Variants in CSMD3 observed in about 807,000 individuals in gnomAD.
CSMD3 encodes the protein CUB and Sushi multiple domains 3.
In CSMD3, 177 loss-of-function variants were observed where a neutral mutation model predicts 435.2. That is an observed-to-expected ratio of 0.41 (90% CI 0.36 to 0.46). The LOEUF (loss-of-function observed/expected upper bound fraction) is 0.46, where lower values mean the gene tolerates loss of function less well. Ranked by LOEUF, CSMD3 falls within the 20% of genes least tolerant of loss-of-function variation. CSMD3 has a pLI of 0.34. For missense variants in CSMD3, 4,265 were observed against 4,504.6 expected, an observed-to-expected ratio of 0.95 and a Z score of 1.52; for synonymous variants, 1,656 against 1,520.5, an observed-to-expected ratio of 1.09 and a Z score of -2.07.
intron 12 of CSMD3, among the ~76,000 whole-genome samples, chr8:112,804,643 C>T (rs1469073359): frequency 7.2e-6 from 1 of 138,262 alleles, no homozygotes; most frequent in East Asian, 2.2e-4. Flanking sequence ...CTCATGCTAA[C>T]TCATTGCATT....
intron 13 of CSMD3, among the ~76,000 whole-genome samples, chr8:112,733,098 A>T (rs1403524488): frequency 6.6e-6 from 1 of 152,180 alleles, no homozygotes; most frequent in African/African-American, 2.4e-5. Flanking sequence ...CTCAATAAGA[A>T]TGATTCCACC....
intron 12 of CSMD3, among the ~76,000 whole-genome samples, chr8:112,828,607 A>G (rs756137602): frequency 6.6e-6 from 1 of 152,064 alleles, no homozygotes; most frequent in Non-Finnish European, 1.5e-5. Flanking sequence ...AGTAAATTAA[A>G]CCTCTTTTCT....
chr8:112,783,375 C>T (rs1337591266), intron 13 of CSMD3, among the ~76,000 whole-genome samples: 2 of 141,842 alleles, frequency 1.4e-5, no homozygotes, highest in East Asian at 4.4e-4. Flanking sequence ...CAGAGAAAAT[C>T]ACCAGCACAT....
intron 13 of CSMD3, among the ~76,000 whole-genome samples, chr8:112,768,869 A>G (rs2078043809): frequency 1.3e-5 from 2 of 151,802 alleles, no homozygotes; most frequent in Admixed American, 1.3e-4. Context: ...ATTCTGTTAA[A>G]TCAGTAGTCA....
chr8:113,357,550 G>A (rs971279605), intron 1 of CSMD3, among the ~76,000 whole-genome samples: 4 of 152,264 alleles, frequency 2.6e-5, no homozygotes, highest in Admixed American at 1.3e-4. Context: ...TAAACACAAC[G>A]TTGTTGTATT....
intron 1 of CSMD3, among the ~76,000 whole-genome samples, chr8:113,404,626 T>G (rs556060705): frequency 6.6e-6 from 1 of 151,516 alleles, no homozygotes; most frequent in South Asian, 2.1e-4. Flanking sequence ...GTTCATTCAC[T>G]CATCTATTCA....
rs200750537 is a variant in CSMD3, at chr8:112,337,566, T to C, written c.6818A>G (p.Asn2273Ser). Residue 2273 changes from asparagine to serine, a missense_variant, in exon 43 of 71, where the codon AAT (asparagine) becomes AGT (serine). This residue lies in a region of CSMD3 where 3,255 missense variants were observed against 3,380.2 expected (regional missense o/e 0.96). Transcript: ENST00000297405. ...TCLHGVSRNW[N>S]HPLPRCEALC... The stretch of plus-strand genomic sequence containing the variant: ...ACCTTCACACCTTGGAAGTGGATGA[T>C]TCCAATTACGACTGACTCCGTGAAG... 2 of 1,613,720 alleles carry C rather than the reference T, an allele frequency of 1.2e-6. No homozygotes were observed. Among genetic ancestry groups the C allele is most frequent in the Middle Eastern group, 1.7e-4 (1 of 6,060 alleles).
chr8:112,283,983 T>G (rs1408479356), intron 58 of CSMD3, among the ~76,000 whole-genome samples: 1 of 151,704 alleles, frequency 6.6e-6, no homozygotes, highest in Non-Finnish European at 1.5e-5. Context: ...CATTTATGCA[T>G]GTAACAAAAT....
chr8:112,978,725 C>G (rs1462038298), intron 6 of CSMD3, among the ~76,000 whole-genome samples: 1 of 151,862 alleles, frequency 6.6e-6, no homozygotes, highest in Non-Finnish European at 1.5e-5. Flanking sequence ...CTAACCAGTT[C>G]TTATGTTTTA....
intron 3 of CSMD3, among the ~76,000 whole-genome samples, chr8:113,184,897 T>G (rs905999077): frequency 2.0e-5 from 3 of 152,086 alleles, no homozygotes; most frequent in Non-Finnish European, 4.4e-5. Flanking sequence ...ACCCATTCAT[T>G]TATTCCATAA....
intron 13 of CSMD3, among the ~76,000 whole-genome samples, chr8:112,696,677 T>C (rs926576751): frequency 7.2e-5 from 11 of 152,150 alleles, no homozygotes; most frequent in Admixed American, 1.3e-4. Flanking sequence ...AAGGACTTCA[T>C]GTCCAAAACA....
At chr8:112,583,868 T>A (rs1830514828) in intron 23 of CSMD3, among the ~76,000 whole-genome samples, 1 of 151,936 alleles carries the variant, frequency 6.6e-6, no homozygotes, top group Non-Finnish European at 1.5e-5. Context: ...TGAAATTTCC[T>A]TTCCACTTTA....
intron 13 of CSMD3, among the ~76,000 whole-genome samples, chr8:112,733,440 T>C (rs1313931992): frequency 3.9e-5 from 6 of 151,940 alleles, no homozygotes; most frequent in African/African-American, 1.4e-4. Flanking sequence ...ATCTATGTAA[T>C]GTCAATAAAA....
At chr8:112,368,511 C>G (rs1828007670) in intron 38 of CSMD3, among the ~76,000 whole-genome samples, 1 of 152,150 alleles carries the variant, frequency 6.6e-6, no homozygotes, top group African/African-American at 2.4e-5. Flanking sequence ...AATTGCTCTA[C>G]TTGTTTACAT....
chr8:112,976,300 C>A, intron 6 of CSMD3, 152 bp from the exon 7 acceptor site: 1 of 860,850 alleles, frequency 1.2e-6, no homozygotes, highest in Non-Finnish European at 1.8e-6. Context: ...AATTGTGAAG[C>A]GCACTAGATC....
intron 3 of CSMD3, among the ~76,000 whole-genome samples, chr8:113,227,431 T>C (rs528348381): frequency 6.6e-6 from 1 of 151,624 alleles, no homozygotes; most frequent in Non-Finnish European, 1.5e-5. Context: ...AGGAAACAAA[T>C]TTACTAATTA....
intron 3 of CSMD3, among the ~76,000 whole-genome samples, chr8:113,221,417 T>C (rs1486969325): frequency 6.7e-6 from 1 of 148,344 alleles, no homozygotes. Context: ...ATAAAGCAAA[T>C]GGTGTAAAAT....
chr8:112,655,755 A>G (rs1204820967), intron 18 of CSMD3, among the ~76,000 whole-genome samples: 1 of 152,052 alleles, frequency 6.6e-6, no homozygotes, highest in African/African-American at 2.4e-5. Flanking sequence ...AATATGTGCA[A>G]TTAGTGTGAG....
chr8:113,102,435 T>C (rs1300909003), intron 4 of CSMD3, among the ~76,000 whole-genome samples: 1 of 152,160 alleles, frequency 6.6e-6, no homozygotes, highest in Non-Finnish European at 1.5e-5. Flanking sequence ...ATAATGACTA[T>C]AAAACGTTTT....
Sources: allele counts gnomAD v4.1 joint callset (sites outside exome capture counted in the v4.1 genomes callset), GRCh38; gene constraint gnomAD v4.1.1; regional missense constraint gnomAD v4.1.1; transcripts MANE v1.5; gene names NCBI Gene and HGNC (gene_info 2026-07-23, HGNC 2026-07-21).